Variants in AKR1C1 observed in about 807,000 individuals in gnomAD.
AKR1C1 encodes aldo-keto reductase family 1 member C1.
A neutral mutation model predicts 40.6 loss-of-function variants in AKR1C1; 32 were observed. The ratio of observed to expected loss-of-function variants is 0.79; its 90% CI spans 0.60 to 1.06. The LOEUF is 1.06. AKR1C1 is among the 50% of genes least tolerant of loss of function. The pLI is 0.00. For missense variants in AKR1C1, 320 were observed against 363.5 expected, an observed-to-expected ratio of 0.88 and a Z score of 0.97; for synonymous variants, 105 against 134.2, an observed-to-expected ratio of 0.78 and a Z score of 1.50.
intron 1 of AKR1C1, chr10:4,965,622 G>T (rs1439296623): frequency 2.6e-5 from 8 of 309,064 alleles, no homozygotes. Context: ...ATAACTATAG[G>T]TTGCATCCTG....
At chr10:4,974,404 T>A (rs1269490728) in intron 7 of AKR1C1, among the ~76,000 whole-genome samples, 1 of 152,018 alleles carries the variant, frequency 6.6e-6, no homozygotes, top group African/African-American at 2.4e-5. Flanking sequence ...TTCTCTGTGG[T>A]TATGTTTTCA....
Position 4,979,572 on chromosome 10 carries a change from G to A in AKR1C1, c.*1830G>A, listed in dbSNP as rs1290556628. ...AAAAGTTAGTAGTGAAGTGTGTAAC[G>A]CTTAAGCAAACTTTCATATTTCAAA... On this transcript the variant is annotated 3_prime_UTR_variant, in exon 9 of 9. Transcript: ENST00000380872. 2.0e-5 allele frequency: 3 copies of A among 152,162 alleles called. No homozygotes were observed. The highest frequency in any genetic ancestry group is 4.8e-5 in the African/African-American group (2 of 41,452). The allele number at this position is 152,162 out of a possible 1,614,324, so 9.4% of individuals were successfully genotyped here.
rs1564321350 is a variant in AKR1C1 at position 4,982,246 on chromosome 10, T to C, written c.*4504T>C. 1 of 152,146 alleles carries C rather than the reference T, an allele frequency of 6.6e-6. No individual in the cohort carries two copies. The highest frequency in any genetic ancestry group is 1.5e-5 in the Non-Finnish European group (1 of 68,076). The allele number at this position is 152,146 out of a possible 1,614,324, so 9.4% of individuals were successfully genotyped here. A position where few individuals can be genotyped will look rare whatever the true frequency, so the allele number is the denominator to read the frequency against. On this transcript the variant is annotated 3_prime_UTR_variant, in exon 9 of 9. Coordinates refer to ENST00000380872, the MANE Select transcript of AKR1C1 (RefSeq NM_001353.6). ...GAGTGCTTTTACAAGGCCACAGGTG[T>C]CTCACGACCTGACCTCATAAAGCCA...
At position 4,972,188 on chromosome 10, in the gene AKR1C1, T is replaced by G. The variant is rs782410153; in HGVS notation, c.571-13T>G. The G allele has an allele frequency of 1.2e-6, 2 of 1,613,846 alleles. No homozygotes were observed. ...TGGATTATCTGATGCTTTTCCATCT[T>G]GCTCGTCTGCAGGTGGAATGTCATC... On this transcript the variant is annotated splice_polypyrimidine_tract_variant and intron_variant, in intron 5 of 8. Coordinates refer to ENST00000380872, the MANE Select transcript of AKR1C1 (RefSeq NM_001353.6).
chr10:4,972,460 T>A (rs1554769944), intron 6 of AKR1C1, 124 bp from the exon 7 acceptor site: 4 of 1,444,436 alleles, frequency 2.8e-6, no homozygotes. Flanking sequence ...ATGTTGAGGC[T>A]GCTGTTCGGG....
rs1427806156 is a variant in AKR1C1, at chr10:4,979,145, C to G, written c.*1403C>G. 2 of 152,212 alleles carry G rather than the reference C, an allele frequency of 1.3e-5. No individual in the cohort carries two copies. The highest frequency in any genetic ancestry group is 6.5e-5 in the Admixed American group (1 of 15,280). 9.4% of individuals were successfully genotyped at this position (152,212 alleles called of 1,614,324 possible). ...GCATCCCAGCAAGTTTTGCAGCTCACAGTTTTTTCCGTAAATTACTTATTC... is the reference window on the plus strand; with the variant it reads ...GCATCCCAGCAAGTTTTGCAGCTCAGAGTTTTTTCCGTAAATTACTTATTC... On this transcript the variant is annotated 3_prime_UTR_variant, in exon 9 of 9. Coordinates refer to ENST00000380872, the MANE Select transcript of AKR1C1 (RefSeq NM_001353.6).
chr10:4,977,838 G>C lies in AKR1C1; in HGVS notation c.*96G>C. On this transcript the variant is annotated 3_prime_UTR_variant, in exon 9 of 9. Coordinates refer to ENST00000380872, the MANE Select transcript of AKR1C1 (RefSeq NM_001353.6). ...GCTGGTGACTGGACACATCGCCTCT[G>C]GTTAAATCTCTCCTGCTTGGTGATT... 6.9e-7 allele frequency: 1 copy of C among 1,451,526 alleles called. No individual in the cohort carries two copies. The highest frequency in any genetic ancestry group is 9.4e-7 in the Non-Finnish European group (1 of 1,060,516). 89.9% of individuals were successfully genotyped at this position (1,451,526 alleles called of 1,614,324 possible). A position where few individuals can be genotyped will look rare whatever the true frequency, so the allele number is the denominator to read the frequency against.
intron 8 of AKR1C1, among the ~76,000 whole-genome samples, chr10:4,977,128 C>T (rs6650153): frequency 0.12 from 18,366 of 152,158 alleles, 1,179 homozygotes; most frequent in South Asian, 0.19. Context: ...TGTGTCTTTA[C>T]ATTTTGTGTT....
At position 4,980,532 on chromosome 10, in the gene AKR1C1, C is replaced by T. The variant is rs555196152; in HGVS notation, c.*2790C>T. On this transcript the variant is annotated 3_prime_UTR_variant, in exon 9 of 9. Coordinates refer to ENST00000380872, the MANE Select transcript of AKR1C1 (RefSeq NM_001353.6). ...TGCTTCTGTAATATTCTGAATCCTT[C>T]GCTGCCTTTCCAACAGTGTTTACAA... 2.0e-5 allele frequency: 3 copies of T among 146,424 alleles called. No homozygotes were observed. Among genetic ancestry groups the T allele is most frequent in the African/African-American group, 7.5e-5 (3 of 40,076 alleles). The allele number at this position is 146,424 out of a possible 1,614,324, so 9.1% of individuals were successfully genotyped here.
chr10:4,983,188 G>A lies in AKR1C1; in HGVS notation c.*5446G>A, dbSNP rs534489391. ...CACTGCCCTGCACACACATGAGAGC[G>A]CAGCCAGGAACAGAAGGACTGGGCA... On this transcript the variant is annotated 3_prime_UTR_variant, in exon 9 of 9. Coordinates refer to ENST00000380872, the MANE Select transcript of AKR1C1 (RefSeq NM_001353.6). 113 of 190,734 alleles carry A rather than the reference G, an allele frequency of 5.9e-4. No homozygotes were observed. Among genetic ancestry groups the A allele is most frequent in the South Asian group, 4.9e-3 (56 of 11,452 alleles). The allele number at this position is 190,734 out of a possible 1,614,324, so 11.8% of individuals were successfully genotyped here.
chr10:4,970,757 C>G (rs1554769749), intron 5 of AKR1C1, among the ~76,000 whole-genome samples: 1 of 133,848 alleles, frequency 7.5e-6, no homozygotes. Flanking sequence ...GGGAATTGAA[C>G]AATGAGATCA....
chr10:4,968,679 C>T (rs1588559835), intron 4 of AKR1C1, 143 bp from the exon 5 acceptor site: 2 of 1,399,422 alleles, frequency 1.4e-6, no homozygotes, highest in East Asian at 4.9e-5. Context: ...TCACTATCTT[C>T]TTCCCCAATT....
At chr10:4,966,639 C>G (rs1295174860) in intron 2 of AKR1C1, among the ~76,000 whole-genome samples, 1 of 152,198 alleles carries the variant, frequency 6.6e-6, no homozygotes, top group Non-Finnish European at 1.5e-5. Flanking sequence ...AGTTGTAAAA[C>G]TTACCAAAGA....
At chr10:4,966,824 A>G (rs1836340466) in intron 2 of AKR1C1, 103 bp from the exon 3 acceptor site, 2 of 1,007,134 alleles carry the variant, frequency 2.0e-6, no homozygotes, top group East Asian at 2.4e-5. Context: ...GCCTGTGGTC[A>G]TTAGTTTTGA....
In AKR1C1 at chr10:4,968,908, C is replaced by G. The variant is rs757666510; in HGVS notation, c.534C>G (p.Asn178Lys). 9.9e-6 allele frequency: 16 copies of G among 1,614,184 alleles called. No individual in the cohort carries two copies. Among genetic ancestry groups the G allele is most frequent in the Middle Eastern group, 1.6e-4 (1 of 6,062 alleles). The change falls in exon 5 of 9, where the codon AAC becomes AAG. Residue 178 changes from asparagine (N) to lysine (K), a missense_variant. Transcript: ENST00000380872. ...FNRRQLEMIL[N>K]KPGLKYKPVC... is the part of the protein sequence containing the mutation. Reference sequence around the variant, plus strand: ...GCAGGCAGCTGGAGATGATCCTCAACAAGCCAGGGCTCAAGTACAAGCCTG... The same window carrying G: ...GCAGGCAGCTGGAGATGATCCTCAAGAAGCCAGGGCTCAAGTACAAGCCTG...
Position 4,966,100 on chromosome 10 carries a change from G to A in AKR1C1, c.252+19G>A. The A allele has an allele frequency of 6.2e-7, 1 of 1,606,558 alleles. No homozygotes were observed. The highest frequency in any genetic ancestry group is 8.5e-7 in the Non-Finnish European group (1 of 1,176,012). ...TTCAAAGGTACTGTGCCTATGATGAGCTTGTGTGCACATGTATTTATTGTG... is the reference window on the plus strand; with the variant it reads ...TTCAAAGGTACTGTGCCTATGATGAACTTGTGTGCACATGTATTTATTGTG... On this transcript the variant is annotated intron_variant, in intron 2 of 8. Transcript: ENST00000380872.
intron 7 of AKR1C1, among the ~76,000 whole-genome samples, chr10:4,973,145 G>A (rs1390474141): frequency 2.8e-5 from 4 of 141,168 alleles, no homozygotes; most frequent in East Asian, 2.0e-4. Context: ...TTATCTTTGC[G>A]AAGTGCTTGT....
At position 4,972,758 on chromosome 10, in the gene AKR1C1, C is replaced by T. The variant is rs368445537; in HGVS notation, c.846+9C>T. ...TCAGACAGAACGTGCAGGTGAGGAG[C>T]GGGGCTGTGGGCCTCAGGTCTCCTG... On this transcript the variant is annotated intron_variant, in intron 7 of 8. Coordinates refer to ENST00000380872, the MANE Select transcript of AKR1C1 (RefSeq NM_001353.6). 1.8e-4 allele frequency: 293 copies of T among 1,611,128 alleles called. No individual in the cohort carries two copies. In the Middle Eastern group the frequency reaches 2.7e-3, roughly 15 times the overall value.
At chr10:4,971,525 A>T (rs192469769) in intron 5 of AKR1C1, among the ~76,000 whole-genome samples, 2,198 of 52,912 alleles carry the variant, frequency 0.042, 26 homozygotes, top group African/African-American at 0.12. Context: ...ATATATATAA[A>T]ATATATATGA....
Sources: gnomAD v4.1 joint callset for allele counts (sites outside exome capture counted in the v4.1 genomes callset) on GRCh38, gnomAD v4.1.1 for gene constraint, MANE v1.5 for transcripts, NCBI Gene and HGNC (gene_info 2026-07-23, HGNC 2026-07-21) for gene names.